Variants in SH3RF3 observed in about 807,000 individuals in gnomAD.
SH3RF3 encodes the protein E3 ubiquitin-protein ligase SH3RF3.
In SH3RF3, 29 loss-of-function variants were observed where a neutral mutation model predicts 66.3. That is an observed-to-expected ratio of 0.44 (90% CI 0.33 to 0.60). The LOEUF (loss-of-function observed/expected upper bound fraction) is 0.60, where lower values mean the gene tolerates loss of function less well. SH3RF3 is among the 20% of genes least tolerant of loss of function. SH3RF3 has a pLI of 0.04. For synonymous variants in SH3RF3, 583 were observed against 532.0 expected (o/e 1.10, Z -1.32); for missense variants, 1,194 against 1,190.9 (o/e 1.00, Z -0.04).
chr2:109,300,481 C>T (rs1200124223), intron 1 of SH3RF3, among the ~76,000 whole-genome samples: 2 of 152,198 alleles, frequency 1.3e-5, no homozygotes, highest in East Asian at 3.9e-4. Flanking sequence ...CGCCCATCCG[C>T]ACCCTGAGTT....
intron 3 of SH3RF3, among the ~76,000 whole-genome samples, chr2:109,389,725 G>A (rs1306593232): frequency 6.6e-6 from 1 of 151,830 alleles, no homozygotes; most frequent in Non-Finnish European, 1.5e-5. Context: ...TATATTATTT[G>A]GTCCACTAGA....
intron 1 of SH3RF3, among the ~76,000 whole-genome samples, chr2:109,174,373 A>AT (rs1418659262): frequency 6.6e-6 from 1 of 151,882 alleles, no homozygotes; most frequent in Non-Finnish European, 1.5e-5. Context: ...ACTTCCTTTC[A>AT]TTTTTTTTCT....
intron 6 of SH3RF3, 118 bp downstream of exon 6, chr2:109,432,789 C>A: frequency 1.5e-6 from 2 of 1,359,626 alleles, no homozygotes; most frequent in South Asian, 1.5e-5. Context: ...GCAAGGCCAC[C>A]AGTGCCCAGG....
At chr2:109,398,998 C>T in intron 4 of SH3RF3, 55 bp downstream of exon 4, 1 of 1,515,560 alleles carries the variant, frequency 6.6e-7, no homozygotes. Flanking sequence ...GTTCTATCCT[C>T]AGCTCCGTGT....
intron 1 of SH3RF3, among the ~76,000 whole-genome samples, chr2:109,231,271 G>A (rs567642577): frequency 5.8e-4 from 88 of 152,366 alleles, no homozygotes; most frequent in African/African-American, 2.0e-3. Flanking sequence ...CTACAGCTGA[G>A]AGGAATTGGT....
At chr2:109,192,940 T>C (rs1408327738) in intron 1 of SH3RF3, among the ~76,000 whole-genome samples, 1 of 152,196 alleles carries the variant, frequency 6.6e-6, no homozygotes, top group African/African-American at 2.4e-5. Flanking sequence ...TGTGGTTAAA[T>C]TAAGGGTGTT....
chr2:109,449,809 G>T (rs1040943129), intron 8 of SH3RF3, among the ~76,000 whole-genome samples: 1 of 152,204 alleles, frequency 6.6e-6, no homozygotes, highest in Non-Finnish European at 1.5e-5. Context: ...TACTCATTTT[G>T]TTAGAACAGG....
intron 1 of SH3RF3, among the ~76,000 whole-genome samples, chr2:109,183,026 C>T (rs531742768): frequency 2.0e-4 from 31 of 152,302 alleles, no homozygotes; most frequent in African/African-American, 6.0e-4. Context: ...ATGACTGTGT[C>T]GTGAGATGTA....
At chr2:109,273,747 A>G (rs1455021659) in intron 1 of SH3RF3, among the ~76,000 whole-genome samples, 2 of 152,222 alleles carry the variant, frequency 1.3e-5, no homozygotes, top group Non-Finnish European at 2.9e-5. Context: ...AGAAGGTCAT[A>G]GATGTCCCTT....
chr2:109,392,138 A>G (rs780563459), intron 3 of SH3RF3, among the ~76,000 whole-genome samples: 1 of 152,174 alleles, frequency 6.6e-6, no homozygotes, highest in Non-Finnish European at 1.5e-5. Flanking sequence ...ATTTTTAAAG[A>G]CCCACATTTG....
chr2:109,357,383 G>A lies in SH3RF3; in HGVS notation c.849+9434G>A, dbSNP rs574904984. 1.3e-3 allele frequency among the ~76,000 whole-genome samples: 193 copies of A among 152,176 alleles called. 1 individual carries two copies. The highest frequency in any genetic ancestry group is 4.2e-3 in the African/African-American group (176 of 41,514). On this transcript the variant is annotated intron_variant, in intron 2 of 9. Coordinates refer to ENST00000309415, the MANE Select transcript of SH3RF3 (RefSeq NM_001099289.3). The stretch of plus-strand genomic sequence containing the variant: ...TTTTTAGTAGAGACGAGGTTTCACC[G>A]TGTTAGCCAGGATGGTCTCGATCTC...
chr2:109,449,425 G>T lies in SH3RF3; in HGVS notation c.2084G>T (p.Gly695Val). The change falls in exon 8 of 10, where the codon GGT (glycine) becomes GTT (valine). Residue 695 changes from glycine (G) to valine (V), a missense_variant. Physicochemically the swap from Gly to Val is moderately radical, Grantham distance 109 (BLOSUM62 -3). Coordinates refer to ENST00000309415, the MANE Select transcript of SH3RF3 (RefSeq NM_001099289.3). ...LNGEAGGGPIGVLSTSSPTNT... is the reference protein window; with the variant it reads ...LNGEAGGGPIVVLSTSSPTNT... Reference sequence around the variant, plus strand: ...GGGGAGGCTGGAGGGGGGCCCATCGGTGTTCTGTCCACATCCAGCCCCACC... The same window carrying T: ...GGGGAGGCTGGAGGGGGGCCCATCGTTGTTCTGTCCACATCCAGCCCCACC... The T allele has an allele frequency of 6.2e-7, 1 of 1,613,950 alleles. No individual in the cohort carries two copies. Among genetic ancestry groups the T allele is most frequent in the Non-Finnish European group, 8.5e-7 (1 of 1,179,872 alleles).
At chr2:109,453,573 C>T (rs920261171) in intron 8 of SH3RF3, among the ~76,000 whole-genome samples, 1 of 152,132 alleles carries the variant, frequency 6.6e-6, no homozygotes. Context: ...CCTAACCACC[C>T]GACCGGCCAT....
At chr2:109,474,191 G>A (rs1678610804) in intron 8 of SH3RF3, among the ~76,000 whole-genome samples, 1 of 152,174 alleles carries the variant, frequency 6.6e-6, no homozygotes, top group South Asian at 2.1e-4. Context: ...CTGTGTGTGG[G>A]CAGGTGTAAG....
At chr2:109,295,014 G>A (rs1681275552) in intron 1 of SH3RF3, among the ~76,000 whole-genome samples, 1 of 152,262 alleles carries the variant, frequency 6.6e-6, no homozygotes, top group African/African-American at 2.4e-5. Context: ...CTATTCCATG[G>A]ATTAGCCATC....
At chr2:109,140,256 C>G (rs1370375916) in intron 1 of SH3RF3, among the ~76,000 whole-genome samples, 2 of 152,196 alleles carry the variant, frequency 1.3e-5, no homozygotes, top group Non-Finnish European at 2.9e-5. Flanking sequence ...TCTCTCTCTT[C>G]CTGAGATCAG....
chr2:109,405,467 T>A (rs765870331), intron 4 of SH3RF3, among the ~76,000 whole-genome samples: 3 of 152,098 alleles, frequency 2.0e-5, no homozygotes, highest in Non-Finnish European at 2.9e-5. Flanking sequence ...CACTGTCCAT[T>A]CCCGTGAGCC....
intron 1 of SH3RF3, among the ~76,000 whole-genome samples, chr2:109,267,496 G>A (rs1297488326): frequency 6.6e-6 from 1 of 152,190 alleles, no homozygotes; most frequent in East Asian, 1.9e-4. Flanking sequence ...CTGAGACACA[G>A]GTGGAAAGTC....
intron 4 of SH3RF3, among the ~76,000 whole-genome samples, chr2:109,414,992 A>T (rs2104502303): frequency 6.6e-6 from 1 of 152,354 alleles, no homozygotes; most frequent in South Asian, 2.1e-4. Flanking sequence ...CACCGCAGCC[A>T]CAAAGGCCCT....
Sources: gnomAD v4.1 joint callset for allele counts (sites outside exome capture counted in the v4.1 genomes callset) on GRCh38, gnomAD v4.1.1 for gene constraint, MANE v1.5 for transcripts, NCBI Gene and HGNC (gene_info 2026-07-23, HGNC 2026-07-21) for gene names.